Variants in SSBP3 observed in about 807,000 individuals in gnomAD.
SSBP3 encodes single stranded DNA binding protein 3.
Under a neutral mutation model 69.6 loss-of-function variants are expected in SSBP3, and 5 were observed. The observed-to-expected ratio is 0.07, with a 90% confidence interval of 0.04 to 0.15. SSBP3 has a LOEUF of 0.15. Ranked by LOEUF, SSBP3 falls within the 10% of genes least tolerant of loss-of-function variation. The pLI is 1.00. For synonymous variants in SSBP3, 196 were observed against 193.4 expected, an observed-to-expected ratio of 1.01 and a Z score of -0.11; for missense variants, 312 against 534.0, an observed-to-expected ratio of 0.58 and a Z score of 4.10.
chr1:54,305,091 G>A (rs1396318088), intron 4 of SSBP3, among the ~76,000 whole-genome samples: 4 of 152,218 alleles, frequency 2.6e-5, no homozygotes, highest in Admixed American at 2.0e-4. Flanking sequence ...CTGGCGGGAG[G>A]CGTGGCGTGG....
Position 54,228,670 on chromosome 1 carries a change from C to G in SSBP3, c.1006+78G>C, listed in dbSNP as rs1644329845. On this transcript the variant is annotated intron_variant, in intron 15 of 17. Transcript: ENST00000610401. ...AGGCCGGCCAGGGCTCTGTACCAAG[C>G]CCAGCTGAGCCAGGAGCTGAGGCAC... 7 of 1,520,178 alleles carry G rather than the reference C, an allele frequency of 4.6e-6. No individual in the cohort carries two copies. In the South Asian group the frequency reaches 8.6e-5, roughly 19 times the overall value. 94.2% of individuals were successfully genotyped at this position (1,520,178 alleles called of 1,614,324 possible). A position where few individuals can be genotyped will look rare whatever the true frequency, so the allele number is the denominator to read the frequency against.
intron 4 of SSBP3, chr1:54,286,705 A>G (rs369177868): frequency 6.6e-5 from 10 of 152,092 alleles, no homozygotes; most frequent in African/African-American, 2.4e-4. Flanking sequence ...TCCCCCTCTA[A>G]CCTCCAGGGT....
Position 54,243,149 on chromosome 1 carries a change from C to A in SSBP3, c.716+86G>T, listed in dbSNP as rs544309670. On this transcript the variant is annotated intron_variant, in intron 10 of 17. Transcript: ENST00000610401. ...GGTCCAGAGAGGTACCAGCAATGACCCCTTATCATGAGTCTCCCAGGGTGC... is the reference window on the plus strand; with the variant it reads ...GGTCCAGAGAGGTACCAGCAATGACACCTTATCATGAGTCTCCCAGGGTGC... The A allele has an allele frequency of 4.8e-5, 58 of 1,198,486 alleles. No homozygotes were observed. The African/African-American group carries it at 8.2e-4, about 17-fold the overall frequency. 74.2% of individuals were successfully genotyped at this position (1,198,486 alleles called of 1,614,324 possible).
chr1:54,238,492 G>A (rs1258045938), intron 14 of SSBP3: 25 of 372,264 alleles, frequency 6.7e-5, no homozygotes, highest in Middle Eastern at 8.3e-4. Context: ...CTCGGGCAAC[G>A]CCCCCTGGGT....
upstream of SSBP3, among the ~76,000 whole-genome samples, chr1:54,410,526 A>G (rs12738019): frequency 0.48 from 72,619 of 152,060 alleles, 18,555 homozygotes; most frequent in Admixed American, 0.59. Flanking sequence ...TATGCAGCCC[A>G]CTTCTGCACC....
chr1:54,268,736 G>C (rs1345869072), intron 5 of SSBP3, among the ~76,000 whole-genome samples: 1 of 152,182 alleles, frequency 6.6e-6, no homozygotes, highest in African/African-American at 2.4e-5. Flanking sequence ...TCCTTCCTCT[G>C]TTAAGATGAA....
chr1:54,290,144 A>G (rs1027516849), intron 4 of SSBP3, among the ~76,000 whole-genome samples: 5 of 152,222 alleles, frequency 3.3e-5, no homozygotes, highest in African/African-American at 1.2e-4. Context: ...TACAAATTTC[A>G]GAATCGACAC....
intron 4 of SSBP3, among the ~76,000 whole-genome samples, chr1:54,353,403 C>T (rs1298257161): frequency 6.6e-6 from 1 of 152,210 alleles, no homozygotes; most frequent in Non-Finnish European, 1.5e-5. Flanking sequence ...CGCTCCTGCC[C>T]TGTGACTTAC....
chr1:54,274,828 T>C (rs1645255646), intron 5 of SSBP3, among the ~76,000 whole-genome samples: 1 of 152,134 alleles, frequency 6.6e-6, no homozygotes, highest in Non-Finnish European at 1.5e-5. Context: ...TGTCTATTCC[T>C]GGCTCCATCC....
At chr1:54,409,506 C>CGA (rs140320982), upstream of SSBP3, among the ~76,000 whole-genome samples, 277 of 151,968 alleles carry the variant, frequency 1.8e-3, 2 homozygotes, top group East Asian at 0.023. Context: ...CCCCAGGGAC[C>CGA]GAGAGAGAGA....
intron 4 of SSBP3, among the ~76,000 whole-genome samples, chr1:54,388,397 G>C (rs1460411058): frequency 6.6e-6 from 1 of 152,210 alleles, no homozygotes; most frequent in Non-Finnish European, 1.5e-5. Context: ...CTATCTTATA[G>C]AGTGTTACCG....
rs528134049 is a variant in SSBP3, at chr1:54,318,932, AT to A, written c.277-37406del. ...ACCTTTCCCTGCTATGATTTCATCT[AT>A]CCCCCGCAGCAACCCAGTGAATGGC... is the stretch of plus-strand genomic sequence containing the variant. On this transcript the variant is annotated intron_variant, in intron 4 of 17. Coordinates refer to ENST00000610401, the Ensembl canonical transcript of SSBP3. Among the ~76,000 whole-genome samples, 46 of 152,290 alleles carry A rather than the reference AT, an allele frequency of 3.0e-4. No homozygotes were observed. In the South Asian group the frequency reaches 9.5e-3, roughly 32 times the overall value.
At chr1:54,239,245 CTTAA>C in intron 13 of SSBP3, 46 bp from the exon 14 acceptor site, 1 of 1,507,906 alleles carries the variant, frequency 6.6e-7, no homozygotes, top group Non-Finnish European at 9.0e-7. Flanking sequence ...TAATTCGTTT[CTTAA>C]TTAAAACAAA....
intron 4 of SSBP3, among the ~76,000 whole-genome samples, chr1:54,346,542 C>A (rs147821205): frequency 6.6e-6 from 1 of 152,046 alleles, no homozygotes; most frequent in Non-Finnish European, 1.5e-5. Context: ...TGGCTAGGCG[C>A]GGTGGCTCAC....
chr1:54,367,381 C>G (rs940193124), intron 4 of SSBP3, among the ~76,000 whole-genome samples: 1 of 152,172 alleles, frequency 6.6e-6, no homozygotes, highest in African/African-American at 2.4e-5. Flanking sequence ...TCTCTGTAGT[C>G]CAATCTGTGC....
chr1:54,318,986 G>A (rs1646165428), intron 4 of SSBP3, among the ~76,000 whole-genome samples: 1 of 152,132 alleles, frequency 6.6e-6, no homozygotes, highest in Non-Finnish European at 1.5e-5. Context: ...TGAGCGAATT[G>A]AGGCTTGGAA....
intron 4 of SSBP3, among the ~76,000 whole-genome samples, chr1:54,330,420 T>C (rs938163781): frequency 1.3e-5 from 2 of 152,114 alleles, no homozygotes; most frequent in Non-Finnish European, 2.9e-5. Flanking sequence ...TCCACGGCCA[T>C]CCATTCCCAT....
chr1:54,410,339 T>A (rs1649957492), upstream of SSBP3, among the ~76,000 whole-genome samples: 1 of 152,010 alleles, frequency 6.6e-6, no homozygotes, highest in African/African-American at 2.4e-5. Flanking sequence ...CAGAAGGAGG[T>A]GGTTAAAGGA....
At chr1:54,252,519 GGGACAGGTGGCCACTAGGAGA>G (rs1301362035) in intron 7 of SSBP3, among the ~76,000 whole-genome samples, 1 of 26,304 alleles carries the variant, frequency 3.8e-5, no homozygotes, top group Non-Finnish European at 7.8e-5. Flanking sequence ...GCCCCGGGGC[GGGACAGGTGGCCACTAGGAGA>G]GGGACAGGTG....
Sources: allele counts gnomAD v4.1 joint callset (sites outside exome capture counted in the v4.1 genomes callset), GRCh38; gene constraint gnomAD v4.1.1; transcripts MANE v1.5; gene names NCBI Gene and HGNC (gene_info 2026-07-23, HGNC 2026-07-21).